NOX4: variants seen among roughly 807,000 people sequenced by gnomAD.
The protein encoded by NOX4 is kidney oxidase-1.
In NOX4, 69 loss-of-function variants were observed where a neutral mutation model predicts 87.6. The ratio of observed to expected loss-of-function variants is 0.79; its 90% CI spans 0.65 to 0.96. The LOEUF (loss-of-function observed/expected upper bound fraction) is 0.96, where lower values mean the gene tolerates loss of function less well. Ranked by LOEUF, NOX4 falls within the 40% of genes least tolerant of loss-of-function variation. NOX4 has a pLI of 0.00. For missense variants in NOX4, 680 were observed against 681.5 expected (o/e 1.00, Z 0.02); for synonymous variants, 275 against 238.2 (o/e 1.15, Z -1.42).
chr11:89,401,613 A>G (rs1452012842), intron 9 of NOX4, among the ~76,000 whole-genome samples: 1 of 152,090 alleles, frequency 6.6e-6, no homozygotes, highest in Non-Finnish European at 1.5e-5. Flanking sequence ...TCACAGGCAC[A>G]GAGGAAGATA....
At chr11:89,403,180 T>G (rs1261035023) in intron 8 of NOX4, among the ~76,000 whole-genome samples, 1 of 152,120 alleles carries the variant, frequency 6.6e-6, no homozygotes, top group Non-Finnish European at 1.5e-5. Context: ...CATAAAAATC[T>G]CATTCTGATT....
intron 2 of NOX4, among the ~76,000 whole-genome samples, chr11:89,455,953 T>C (rs78131543): frequency 0.024 from 3,618 of 152,038 alleles, 136 homozygotes; most frequent in African/African-American, 0.079. Flanking sequence ...AGGCAATGGT[T>C]AACAGGTACA....
rs549208791 is a variant in NOX4 at position 89,435,713 on chromosome 11, A to G, written c.476-2857T>C. 2.6e-5 allele frequency among the ~76,000 whole-genome samples: 4 copies of G among 152,256 alleles called. No homozygotes were observed. The South Asian group carries it at 6.2e-4, about 24-fold the overall frequency. On this transcript the variant is annotated intron_variant, in intron 6 of 17. Transcript: ENST00000263317. ...TTTGAGGATAAAATAGAAGGGCCAG[A>G]CGACCCAGCCAATGATGTATATGGT...
chr11:89,488,216 G>C (rs777989859), intron 2 of NOX4, among the ~76,000 whole-genome samples: 18 of 151,808 alleles, frequency 1.2e-4, no homozygotes, highest in Non-Finnish European at 1.0e-4. Context: ...CTCCTTTCTT[G>C]AATCTGTTTC....
intron 2 of NOX4, among the ~76,000 whole-genome samples, chr11:89,484,512 C>T (rs890568266): frequency 1.3e-5 from 2 of 151,984 alleles, no homozygotes; most frequent in African/African-American, 2.4e-5. Flanking sequence ...AATGTTCTTG[C>T]GTGTGTTCAT....
At chr11:89,538,334 T>G in the NOX4 span, among the ~76,000 whole-genome samples, 1 of 152,226 alleles carries the variant, frequency 6.6e-6, no homozygotes, top group Admixed American at 6.5e-5. Flanking sequence ...TGAATAGAAA[T>G]CTCCACAATA....
chr11:89,450,263 G>A (rs957492499), intron 3 of NOX4, among the ~76,000 whole-genome samples: 10 of 152,178 alleles, frequency 6.6e-5, no homozygotes, highest in Non-Finnish European at 1.2e-4. Flanking sequence ...TAAAAGGAAA[G>A]AGTTTCTAAA....
chr11:89,543,149 G>C, the NOX4 span, among the ~76,000 whole-genome samples: 21 of 152,186 alleles, frequency 1.4e-4, no homozygotes, highest in African/African-American at 5.1e-4. Flanking sequence ...AGACATCACC[G>C]CTACACAATA....
the NOX4 span, among the ~76,000 whole-genome samples, chr11:89,511,853 T>C: frequency 1.3e-5 from 2 of 152,070 alleles, no homozygotes; most frequent in African/African-American, 2.4e-5. Flanking sequence ...CCTCACACAA[T>C]ACTTGTTTAC....
chr11:89,409,315 T>A (rs999843178), intron 8 of NOX4, among the ~76,000 whole-genome samples: 1 of 152,154 alleles, frequency 6.6e-6, no homozygotes, highest in East Asian at 1.9e-4. Flanking sequence ...AAAAGTTCCC[T>A]GCAGAAAAAC....
At chr11:89,366,057 G>T (rs1031602186) in intron 12 of NOX4, among the ~76,000 whole-genome samples, 2 of 152,024 alleles carry the variant, frequency 1.3e-5, no homozygotes, top group African/African-American at 4.8e-5. Flanking sequence ...TTGTCCTTTT[G>T]CTTCCTTTGA....
intron 2 of NOX4, among the ~76,000 whole-genome samples, chr11:89,458,874 G>A (rs1448111528): frequency 6.6e-6 from 1 of 152,126 alleles, no homozygotes; most frequent in Non-Finnish European, 1.5e-5. Flanking sequence ...AATTAGATCA[G>A]CCCCTGTGGA....
chr11:89,349,905 ATATAT>A (rs1946385189), intron 13 of NOX4, among the ~76,000 whole-genome samples: 2 of 152,228 alleles, frequency 1.3e-5, no homozygotes, highest in Non-Finnish European at 2.9e-5. Flanking sequence ...AAGGATAAAA[ATATAT>A]TATAACTACT....
At chr11:89,432,493 C>G (rs77181580) in intron 7 of NOX4, among the ~76,000 whole-genome samples, 5,261 of 151,954 alleles carry the variant, frequency 0.035, 322 homozygotes, top group African/African-American at 0.12. Flanking sequence ...ATCCCGTGTC[C>G]CATAGAGATA....
At chr11:89,394,793 G>T (rs1941362412) in intron 11 of NOX4, among the ~76,000 whole-genome samples, 1 of 152,066 alleles carries the variant, frequency 6.6e-6, no homozygotes. Context: ...CAGAATGATG[G>T]TTTCCAGCTT....
chr11:89,399,220 T>C (rs1053860847), intron 11 of NOX4, among the ~76,000 whole-genome samples: 4 of 151,114 alleles, frequency 2.6e-5, no homozygotes, highest in Non-Finnish European at 5.9e-5. Context: ...TTTACTCCAT[T>C]TGATTTTTCT....
At chr11:89,438,875 AAT>A (rs1944299862) in intron 6 of NOX4, among the ~76,000 whole-genome samples, 4 of 52,462 alleles carry the variant, frequency 7.6e-5, no homozygotes, top group African/African-American at 1.1e-4. Context: ...TTATATATAT[AAT>A]ATATAATATA....
At chr11:89,431,860 C>T (rs1321404026) in intron 7 of NOX4, among the ~76,000 whole-genome samples, 4 of 152,076 alleles carry the variant, frequency 2.6e-5, no homozygotes, top group African/African-American at 9.7e-5. Flanking sequence ...GGTATATACC[C>T]AAAGGATTAT....
At chr11:89,579,974 C>T in the NOX4 span, among the ~76,000 whole-genome samples, 1 of 151,280 alleles carries the variant, frequency 6.6e-6, no homozygotes, top group Non-Finnish European at 1.5e-5. Flanking sequence ...AATAAAATTT[C>T]CAAAGACTAT....
Sources: allele counts gnomAD v4.1 joint callset (sites outside exome capture counted in the v4.1 genomes callset), GRCh38; gene constraint gnomAD v4.1.1; transcripts MANE v1.5; gene names NCBI Gene and HGNC (gene_info 2026-07-23, HGNC 2026-07-21).